EFCAB13: variants seen among roughly 807,000 people sequenced by gnomAD.
EFCAB13 encodes the protein EF-hand calcium-binding domain-containing protein 13.
EFCAB13 carries 91 observed loss-of-function variants against 110.2 expected under a neutral mutation model. That is an observed-to-expected ratio of 0.83 (90% CI 0.70 to 0.98). EFCAB13 has a LOEUF of 0.98. Among genes scored for constraint, EFCAB13 ranks in the 50% least tolerant of loss-of-function variants. EFCAB13 has a pLI of 0.00. For missense variants in EFCAB13, 968 were observed against 1,119.4 expected (o/e 0.86, Z 1.93); for synonymous variants, 323 against 369.9 (o/e 0.87, Z 1.45).
intron 23 of EFCAB13, among the ~76,000 whole-genome samples, chr17:47,419,229 C>A (rs1272197875): frequency 6.6e-6 from 1 of 152,028 alleles, no homozygotes; most frequent in African/African-American, 2.4e-5. Flanking sequence ...GGCTGAAAAC[C>A]AACTACAAAG....
intron 21 of EFCAB13, among the ~76,000 whole-genome samples, chr17:47,410,048 T>A (rs987203083): frequency 6.6e-6 from 1 of 152,102 alleles, no homozygotes; most frequent in Non-Finnish European, 1.5e-5. Context: ...TCTTCCCTGA[T>A]CCTCTTTGCC....
At chr17:47,350,200 A>G (rs1466653203) in intron 9 of EFCAB13, among the ~76,000 whole-genome samples, 1 of 152,178 alleles carries the variant, frequency 6.6e-6, no homozygotes, top group East Asian at 1.9e-4. Flanking sequence ...ATTAATTTAT[A>G]TTTTACAAAT....
intron 23 of EFCAB13, among the ~76,000 whole-genome samples, chr17:47,427,739 T>C (rs924567105): frequency 3.3e-5 from 5 of 152,054 alleles, no homozygotes; most frequent in Non-Finnish European, 7.4e-5. Context: ...GAGTCAGTAG[T>C]CATCCCATTA....
chr17:47,416,554 T>C (rs1449935031), intron 23 of EFCAB13, among the ~76,000 whole-genome samples: 1 of 152,126 alleles, frequency 6.6e-6, no homozygotes, highest in Non-Finnish European at 1.5e-5. Context: ...TAGTATGCAA[T>C]AGTTAGTTTT....
At chr17:47,422,617 A>T (rs935258756) in intron 23 of EFCAB13, among the ~76,000 whole-genome samples, 1 of 152,200 alleles carries the variant, frequency 6.6e-6, no homozygotes, top group African/African-American at 2.4e-5. Context: ...GCCACAAACA[A>T]TTATAAAATG....
intron 12 of EFCAB13, among the ~76,000 whole-genome samples, chr17:47,377,059 G>A (rs1291092102): frequency 3.3e-5 from 5 of 152,080 alleles, no homozygotes; most frequent in Admixed American, 6.6e-5. Flanking sequence ...CTGAAAACAT[G>A]GTAGAGTAAA....
At chr17:47,365,516 TAGTAGTGGCTC>T (rs1305507333) in intron 10 of EFCAB13, among the ~76,000 whole-genome samples, 1 of 152,134 alleles carries the variant, frequency 6.6e-6, no homozygotes, top group Non-Finnish European at 1.5e-5. Context: ...ATTTGAAATA[TAGTAGTGGCTC>T]AGTAGTGGAG....
chr17:47,355,720 G>A (rs186404857), intron 9 of EFCAB13, among the ~76,000 whole-genome samples: 70 of 151,576 alleles, frequency 4.6e-4, no homozygotes, highest in Non-Finnish European at 6.2e-4. Context: ...CTACAGTCGC[G>A]CGCCACCAAA....
chr17:47,367,712 G>A (rs751162073), intron 10 of EFCAB13, among the ~76,000 whole-genome samples: 8 of 152,156 alleles, frequency 5.3e-5, no homozygotes, highest in Non-Finnish European at 7.4e-5. Flanking sequence ...AGAGCTCCAG[G>A]CCATCGACTT....
Position 47,356,353 on chromosome 17 carries a change from C to T in EFCAB13, c.662-5025C>T, listed in dbSNP as rs868833311. ...AGAGGGAAGCTCTGGGACTCAAGGG[C>T]TGCTGTTCAGATTCTTTTGTTCCTC... On this transcript the variant is annotated intron_variant, in intron 9 of 24. Transcript: ENST00000331493. 7.9e-4 allele frequency among the ~76,000 whole-genome samples: 120 copies of T among 152,310 alleles called. No homozygotes were observed. In the Middle Eastern group the frequency reaches 0.024, roughly 30 times the overall value.
intron 24 of EFCAB13, among the ~76,000 whole-genome samples, chr17:47,432,811 G>A (rs1905143359): frequency 6.6e-6 from 1 of 151,938 alleles, no homozygotes; most frequent in Non-Finnish European, 1.5e-5. Context: ...GGCTTTGCCA[G>A]CCTGTTAGTG....
intron 14 of EFCAB13, among the ~76,000 whole-genome samples, chr17:47,386,017 C>T (rs2065673597): frequency 6.6e-6 from 1 of 152,172 alleles, no homozygotes; most frequent in African/African-American, 2.4e-5. Context: ...CCCAGAGGGG[C>T]ACCAGGCTGA....
intron 17 of EFCAB13, among the ~76,000 whole-genome samples, chr17:47,398,065 G>A (rs542948773): frequency 1.4e-5 from 2 of 141,580 alleles, no homozygotes; most frequent in African/African-American, 6.0e-5. Context: ...AGGGAGGTTG[G>A]GGGGTCAGCC....
intron 2 of EFCAB13, among the ~76,000 whole-genome samples, chr17:47,325,030 C>CCTT (rs1187065378): frequency 8.6e-6 from 1 of 116,718 alleles, no homozygotes; most frequent in African/African-American, 3.1e-5. Flanking sequence ...CCCCACCCCC[C>CCTT]TTTTTTTTTT....
At chr17:47,355,467 T>C (rs1567785998) in intron 9 of EFCAB13, among the ~76,000 whole-genome samples, 1 of 152,198 alleles carries the variant, frequency 6.6e-6, no homozygotes, top group Non-Finnish European at 1.5e-5. Flanking sequence ...TTCCCTCAAA[T>C]ATGTTTTAAC....
rs144851513 is a variant in EFCAB13 at position 47,382,211 on chromosome 17, C to T, written c.1582+2958C>T. Among the ~76,000 whole-genome samples, 895 of 152,248 alleles carry T rather than the reference C, an allele frequency of 5.9e-3. 13 individuals are homozygous for T. The highest frequency in any genetic ancestry group is 0.019 in the African/African-American group (780 of 41,530). On this transcript the variant is annotated intron_variant, in intron 14 of 24. Coordinates refer to ENST00000331493, the MANE Select transcript of EFCAB13 (RefSeq NM_152347.5). ...TGATTTTTGCACATTGATTTTGTAT[C>T]CTGAGACCTTGCTGAAGTTGTTTAT...
chr17:47,325,588 C>T (rs962420477), intron 2 of EFCAB13, among the ~76,000 whole-genome samples: 8 of 152,248 alleles, frequency 5.3e-5, no homozygotes, highest in African/African-American at 1.9e-4. Context: ...GGCCTTCCCA[C>T]TATTCCTTGA....
At chr17:47,392,446 A>G (rs752118396) in intron 15 of EFCAB13, among the ~76,000 whole-genome samples, 4 of 150,820 alleles carry the variant, frequency 2.7e-5, no homozygotes, top group Non-Finnish European at 4.4e-5. Context: ...TTGTGGAGAT[A>G]TGTGTGTGTT....
At chr17:47,418,028 T>C (rs531990518) in intron 23 of EFCAB13, among the ~76,000 whole-genome samples, 1 of 152,308 alleles carries the variant, frequency 6.6e-6, no homozygotes, top group South Asian at 2.1e-4. Flanking sequence ...CATTGTCCAA[T>C]ATCAAAAGAA....
Sources: allele counts gnomAD v4.1 joint callset (sites outside exome capture counted in the v4.1 genomes callset), GRCh38; gene constraint gnomAD v4.1.1; transcripts MANE v1.5; gene names NCBI Gene and HGNC (gene_info 2026-07-23, HGNC 2026-07-21).